RARB: variants seen among roughly 807,000 people sequenced by gnomAD.
RARB encodes HBV-activated protein.
RARB carries 17 observed loss-of-function variants against 51.9 expected under a neutral mutation model. The ratio of observed to expected loss-of-function variants is 0.33; its 90% CI spans 0.22 to 0.49. The LOEUF (loss-of-function observed/expected upper bound fraction) is 0.49. Ranked by LOEUF, RARB falls within the 20% of genes least tolerant of loss-of-function variation. The probability of loss-of-function intolerance (pLI) is 0.99; values close to 1 mark genes in which losing one functional copy is unlikely to be tolerated. For synonymous variants in RARB, 215 were observed against 195.4 expected (o/e 1.10, Z -0.84); for missense variants, 369 against 550.8 (o/e 0.67, Z 3.30).
At chr3:25,530,595 C>A (rs1698861048) in intron 3 of RARB, among the ~76,000 whole-genome samples, 1 of 152,238 alleles carries the variant, frequency 6.6e-6, no homozygotes, top group South Asian at 2.1e-4. Flanking sequence ...GAGTCTTTCT[C>A]ACATTACATT....
intron 2 of RARB, among the ~76,000 whole-genome samples, chr3:24,886,695 C>G (rs148557728): frequency 1.3e-5 from 2 of 152,040 alleles, no homozygotes; most frequent in Non-Finnish European, 2.9e-5. Flanking sequence ...GCCTGCCTCC[C>G]AAAGTGCTGG....
intron 2 of RARB, among the ~76,000 whole-genome samples, chr3:25,495,029 C>T (rs1001018683): frequency 6.6e-6 from 1 of 152,150 alleles, no homozygotes; most frequent in Non-Finnish European, 1.5e-5. Flanking sequence ...TAGTATAACT[C>T]ACTTAAGGTC....
chr3:25,149,539 T>C (rs1209507619), intron 4 of RARB, among the ~76,000 whole-genome samples: 1 of 152,184 alleles, frequency 6.6e-6, no homozygotes, highest in Non-Finnish European at 1.5e-5. Context: ...TAACTGAGGA[T>C]ATGGTGCAAT....
chr3:25,490,285 C>A (rs1696666513), intron 2 of RARB, among the ~76,000 whole-genome samples: 2 of 152,090 alleles, frequency 1.3e-5, no homozygotes, highest in Non-Finnish European at 2.9e-5. Flanking sequence ...TCTAGACAAG[C>A]ATTTATTTTT....
At chr3:25,360,690 G>A (rs919972899) in intron 5 of RARB, among the ~76,000 whole-genome samples, 14 of 152,096 alleles carry the variant, frequency 9.2e-5, no homozygotes, top group African/African-American at 3.1e-4. Flanking sequence ...AAATCCCTCA[G>A]CATTTGCTTG....
chr3:24,923,878 GT>G (rs1695266207), intron 2 of RARB, among the ~76,000 whole-genome samples: 1 of 152,178 alleles, frequency 6.6e-6, no homozygotes, highest in Admixed American at 6.6e-5. Context: ...TGAATTTGGA[GT>G]GGGAGGAAGT....
chr3:25,153,532 G>C (rs1017842360), intron 4 of RARB, among the ~76,000 whole-genome samples: 3 of 152,108 alleles, frequency 2.0e-5, no homozygotes, highest in Non-Finnish European at 4.4e-5. Flanking sequence ...GGAAAGTCTC[G>C]CCTAGAGTAT....
At chr3:25,133,386 T>C (rs1699982661) in intron 4 of RARB, among the ~76,000 whole-genome samples, 2 of 151,978 alleles carry the variant, frequency 1.3e-5, no homozygotes, top group Non-Finnish European at 2.9e-5. Context: ...TCCAAGCCTA[T>C]GATATCCACT....
At position 25,368,062 on chromosome 3, in the gene RARB, C is replaced by T. The variant is rs1267095211; in HGVS notation, c.179-93131C>T. On this transcript the variant is annotated intron_variant, in intron 5 of 11. Transcript: ENST00000383772. ...AAAAATTTCAAGCTAAAAGACTTTC[C>T]TTTATTCTAAGAATATTCTTTCTGA... 2.0e-5 allele frequency among the ~76,000 whole-genome samples: 3 copies of T among 152,132 alleles called. No homozygotes were observed. In the East Asian group the frequency reaches 5.8e-4, roughly 29 times the overall value.
intron 2 of RARB, among the ~76,000 whole-genome samples, chr3:24,902,024 A>C (rs1703619328): frequency 6.6e-6 from 1 of 151,506 alleles, no homozygotes; most frequent in African/African-American, 2.4e-5. Flanking sequence ...ATACATATAT[A>C]ACATATATGA....
At chr3:25,325,704 C>T (rs1336866738) in intron 5 of RARB, among the ~76,000 whole-genome samples, 1 of 151,764 alleles carries the variant, frequency 6.6e-6, no homozygotes, top group Non-Finnish European at 1.5e-5. Flanking sequence ...ATGAGCCCTC[C>T]CCATGCCACT....
At chr3:24,961,506 A>G (rs1038401331) in intron 2 of RARB, among the ~76,000 whole-genome samples, 4 of 152,224 alleles carry the variant, frequency 2.6e-5, no homozygotes, top group African/African-American at 9.6e-5. Flanking sequence ...TAATGTTTTT[A>G]GATCAAGCAA....
intron 5 of RARB, among the ~76,000 whole-genome samples, chr3:25,343,024 T>TTG (rs6147737): frequency 0.066 from 8,765 of 131,844 alleles, 521 homozygotes; most frequent in African/African-American, 0.14. Flanking sequence ...TGCAAGTACT[T>TTG]TGTGTGTGTG....
chr3:25,422,539 G>T (rs1029218186), intron 5 of RARB, among the ~76,000 whole-genome samples: 3 of 151,970 alleles, frequency 2.0e-5, no homozygotes, highest in Non-Finnish European at 4.4e-5. Flanking sequence ...TTTAAAGCAG[G>T]GTTTAATAGT....
chr3:25,354,185 C>T (rs977562152), intron 5 of RARB, among the ~76,000 whole-genome samples: 3 of 152,038 alleles, frequency 2.0e-5, no homozygotes, highest in Admixed American at 6.6e-5. Context: ...AACTGCCTGG[C>T]GGTAAACTTC....
chr3:25,085,984 G>C (rs949141022), intron 3 of RARB, among the ~76,000 whole-genome samples: 2 of 152,120 alleles, frequency 1.3e-5, no homozygotes, highest in Admixed American at 1.3e-4. Context: ...TCTCCTCCAC[G>C]TAACAATGCA....
chr3:25,174,208 TGTAGC>T, exon 5 of RARB: 1 of 343,858 alleles, frequency 2.9e-6, no homozygotes. Context: ...CTGTAATCAG[TGTAGC>T]AAAATGACAG....
At chr3:25,292,528 A>T (rs1175500893) in intron 5 of RARB, among the ~76,000 whole-genome samples, 2 of 152,360 alleles carry the variant, frequency 1.3e-5, no homozygotes, top group East Asian at 3.9e-4. Flanking sequence ...TTTTTGTTAA[A>T]GTAGATTATA....
chr3:25,281,345 G>T (rs1041318760), intron 5 of RARB, among the ~76,000 whole-genome samples: 3 of 152,162 alleles, frequency 2.0e-5, no homozygotes, highest in African/African-American at 7.2e-5. Context: ...CTTATGATGG[G>T]TTAATAATTA....
Sources: gnomAD v4.1 joint callset for allele counts (sites outside exome capture counted in the v4.1 genomes callset) on GRCh38, gnomAD v4.1.1 for gene constraint, MANE v1.5 for transcripts, NCBI Gene and HGNC (gene_info 2026-07-23, HGNC 2026-07-21) for gene names.